HDAC10: variants seen among roughly 807,000 people sequenced by gnomAD.
HDAC10 encodes polyamine deacetylase HDAC10.
HDAC10 carries 90 observed loss-of-function variants against 82.3 expected under a neutral mutation model. The observed-to-expected ratio is 1.09, with a 90% CI of 0.92 to 1.30. The LOEUF is 1.30. Among genes scored for constraint, HDAC10 ranks in the 50% most tolerant of loss-of-function variants. The pLI is 0.00. For synonymous variants in HDAC10, 456 were observed against 391.7 expected, an observed-to-expected ratio of 1.16 and a Z score of -1.94; for missense variants, 934 against 876.3, an observed-to-expected ratio of 1.07 and a Z score of -0.83.
rs1184843780 is a variant in HDAC10, at chr22:50,248,249, G to GC, written c.1056dup (p.His353AlafsTer37). 1.2e-6 allele frequency: 2 copies of GC among 1,612,456 alleles called. No individual in the cohort carries two copies. Among genetic ancestry groups the GC allele is most frequent in the Non-Finnish European group, 8.5e-7 (1 of 1,179,896 alleles). On this transcript the variant is annotated frameshift_variant, in exon 12 of 20. Coordinates refer to ENST00000216271, the MANE Select transcript of HDAC10 (RefSeq NM_032019.6). LOFTEE classifies it high-confidence loss of function. The surrounding 1 kb of genome is among the most constrained non-coding windows in gnomAD (Gnocchi z 5.4). ...CCTTGCTGCTGGAGGCTCTTCCAGTGCGGGGCCTGGGCAGCACGGGCACTC... is the reference window on the plus strand; with the variant it reads ...CCTTGCTGCTGGAGGCTCTTCCAGTGCCGGGGCCTGGGCAGCACGGGCACTC...
At chr22:50,246,849 G>T (rs1298198910) in intron 15 of HDAC10, 26 bp downstream of exon 15, 4 of 1,600,014 alleles carry the variant, frequency 2.5e-6, no homozygotes, top group Non-Finnish European at 2.6e-6. Flanking sequence ...GCCGTCAGAG[G>T]CTCAGGATGG....
At chr22:50,247,501 C>T (rs1329995670) in intron 14 of HDAC10, 191 bp downstream of exon 14, 3 of 500,238 alleles carry the variant, frequency 6.0e-6, no homozygotes, top group Admixed American at 3.7e-5. Flanking sequence ...AAGCTGAGGT[C>T]AGAGGTCAGA....
In HDAC10 at chr22:50,250,492, G is replaced by A; in HGVS notation, c.226C>T (p.Gln76Ter). 3 of 1,612,880 alleles carry A rather than the reference G, an allele frequency of 1.9e-6. No homozygotes were observed. Among genetic ancestry groups the A allele is most frequent in the Non-Finnish European group, 2.5e-6 (3 of 1,179,964 alleles). ...TGCAGCTCCTCCTTGCCTAGGACCT[G>A]GGTCTCCCTGACCAGGGATACATAC... ...PEYVSLVRET[Q>*]VLGKEELQAL... is the part of the protein sequence containing the mutation. The change falls in exon 3 of 20, where the codon CAG (glutamine) becomes TAG (stop). Residue 76 changes from glutamine (Q) to a stop codon, truncating the protein, a stop_gained. Transcript: ENST00000216271. LOFTEE classifies it high-confidence loss of function.
chr22:50,245,252 A>T lies in HDAC10; in HGVS notation c.*255T>A. On this transcript the variant is annotated 3_prime_UTR_variant, in exon 20 of 20. Coordinates refer to ENST00000216271, the MANE Select transcript of HDAC10 (RefSeq NM_032019.6). ...AAGCGCAGCGGGGCGCAGGGGCCGG[A>T]ACGGGACCGAGCGTGGGTTGCATGG... is the stretch of plus-strand genomic sequence containing the variant. The T allele has an allele frequency of 1.7e-6, 1 of 587,296 alleles. No individual in the cohort carries two copies. The highest frequency in any genetic ancestry group is 2.0e-5 in the South Asian group (1 of 50,282). 36.4% of individuals were successfully genotyped at this position (587,296 alleles called of 1,614,324 possible).
chr22:50,245,868 C>T (rs1569132643), intron 18 of HDAC10, 41 bp from the exon 19 acceptor site: 1 of 1,551,808 alleles, frequency 6.4e-7, no homozygotes, highest in Non-Finnish European at 8.7e-7. Flanking sequence ...CTGGTCCTTT[C>T]CCTCGTCCCA....
rs1350489112 is a variant in HDAC10, at chr22:50,246,311, G to A, written c.1637C>T (p.Thr546Met). ...ATGGTCACTCACCACTGGCAGTGGCGTGGAGACATGGAACATGGATAGGGC... is the reference window on the plus strand; with the variant it reads ...ATGGTCACTCACCACTGGCAGTGGCATGGAGACATGGAACATGGATAGGGC... Reference protein sequence around the residue: ...AAALSMFHVSTPLPVMTGGFL... With the variant: ...AAALSMFHVSMPLPVMTGGFL... The change falls in exon 17 of 20, where the codon ACG becomes ATG. Residue 546 changes from threonine to methionine, a missense_variant. By Grantham distance (81) the Thr-to-Met change is moderately conservative. Transcript: ENST00000216271. 16 of 1,612,820 alleles carry A rather than the reference G, an allele frequency of 9.9e-6. No individual in the cohort carries two copies. Among genetic ancestry groups the A allele is most frequent in the East Asian group, 6.7e-5 (3 of 44,886 alleles).
At chr22:50,250,232 G>T (rs997630018) in intron 3 of HDAC10, 72 bp from the exon 4 acceptor site, 1 of 1,436,968 alleles carries the variant, frequency 7.0e-7, no homozygotes, top group Admixed American at 1.8e-5. Context: ...CCACACTTGT[G>T]CCAGGCTGCA....
chr22:50,245,220 G>C lies in HDAC10; in HGVS notation c.*287C>G. 1.8e-6 allele frequency: 1 copy of C among 568,052 alleles called. No homozygotes were observed. The highest frequency in any genetic ancestry group is 3.1e-6 in the Non-Finnish European group (1 of 321,108). The allele number at this position is 568,052 out of a possible 1,614,324, so 35.2% of individuals were successfully genotyped here. A position where few individuals can be genotyped will look rare whatever the true frequency, so the allele number is the denominator to read the frequency against. ...GATGTTTACTAACGGCGCAAGGGCG[G>C]GGAGCGAAGCGCAGCGGGGCGCAGG... On this transcript the variant is annotated 3_prime_UTR_variant, in exon 20 of 20. Coordinates refer to ENST00000216271, the MANE Select transcript of HDAC10 (RefSeq NM_032019.6).
chr22:50,246,624 A>C (rs963383909), intron 16 of HDAC10, 55 bp downstream of exon 16: 1 of 1,528,076 alleles, frequency 6.5e-7, no homozygotes, highest in Non-Finnish European at 9.0e-7. Flanking sequence ...GCACACGTCC[A>C]TCACATGCCC....
intron 4 of HDAC10, 46 bp from the exon 5 acceptor site, chr22:50,250,010 C>A (rs752010955): frequency 3.7e-6 from 6 of 1,608,116 alleles, no homozygotes; most frequent in Non-Finnish European, 5.1e-6. Context: ...GTCGCCCTGG[C>A]CCCTCACAGG....
Position 50,246,029 on chromosome 22 carries a change from G to C in HDAC10, c.1714C>G (p.Pro572Ala). Residue 572 changes from proline (P) to alanine (A), a missense_variant, in exon 18 of 20, where the codon CCT (proline) becomes GCT (alanine). Coordinates refer to ENST00000216271, the MANE Select transcript of HDAC10 (RefSeq NM_032019.6). ...LVLPLAYGFQPDLVLVALGPG... is the reference protein window; with the variant it reads ...LVLPLAYGFQADLVLVALGPG... ...CCCAGCGCCACCAGCACCAGGTCAG[G>C]CTGGAAGCCATAGGCCAGGGGCAGC... 6.2e-7 allele frequency: 1 copy of C among 1,612,766 alleles called. No individual in the cohort carries two copies.
chr22:50,250,682 C>T (rs2065068670), intron 2 of HDAC10, 89 bp downstream of exon 2: 1 of 1,408,056 alleles, frequency 7.1e-7, no homozygotes, highest in Non-Finnish European at 9.6e-7. Flanking sequence ...GTATTCGAGG[C>T]TGGCAGGCTC....
rs1177737723 is a variant in HDAC10, at chr22:50,245,919, G to A, written c.1824C>T (p.Leu608=). The A allele has an allele frequency of 6.3e-7, 1 of 1,578,788 alleles. No individual in the cohort carries two copies. Among genetic ancestry groups the A allele is most frequent in the Middle Eastern group, 1.7e-4 (1 of 5,990 alleles). ...RGLAGGRVLA[L]LEENSTPQLA... ...ACCCTGCCCAGCTTACCTCCTCCAG[G>A]AGGGCCAGGACTCGGCCCCCTGCCA... is the stretch of plus-strand genomic sequence containing the variant. Residue 608 remains leucine (L), a synonymous_variant, in exon 18 of 20, where the codon CTC becomes CTT. Coordinates refer to ENST00000216271, the MANE Select transcript of HDAC10 (RefSeq NM_032019.6).
chr22:50,245,389 G>C lies in HDAC10; in HGVS notation c.*118C>G, dbSNP rs1376390742. 9 of 697,058 alleles carry C rather than the reference G, an allele frequency of 1.3e-5. No individual in the cohort carries two copies. The highest frequency in any genetic ancestry group is 1.2e-4 in the Admixed American group (6 of 49,620). 43.2% of individuals were successfully genotyped at this position (697,058 alleles called of 1,614,324 possible). On this transcript the variant is annotated 3_prime_UTR_variant, in exon 20 of 20. Coordinates refer to ENST00000216271, the MANE Select transcript of HDAC10 (RefSeq NM_032019.6). ...GGGCGGGGCGCGGGGATTGGGAGTG[G>C]GCGGGGTTCCGTGCCCCAGAGTCGA...
At position 50,249,700 on chromosome 22, in the gene HDAC10, G is replaced by C. The variant is rs2065039346; in HGVS notation, c.498C>G (p.Ile166Met). Residue 166 changes from isoleucine to methionine, a missense_variant, in exon 6 of 20, where the codon ATC (isoleucine) becomes ATG (methionine). Physicochemically the swap from Ile to Met is conservative, Grantham distance 10. Transcript: ENST00000216271. The surrounding 1 kb of genome is among the most constrained non-coding windows in gnomAD (Gnocchi z 4.4). ...HAKQKHGLHR[I>M]LVVDWDVHHG... ...GGTGCACATCCCAGTCCACGACGAG[G>C]ATCCTGGGTACAGACAGCGCTGGTG... 2 of 1,612,722 alleles carry C rather than the reference G, an allele frequency of 1.2e-6. No individual in the cohort carries two copies. The highest frequency in any genetic ancestry group is 1.3e-5 in the African/African-American group (1 of 74,908).
In HDAC10 at chr22:50,247,621, C is replaced by T. The variant is rs938490770; in HGVS notation, c.1422+71G>A. On this transcript the variant is annotated intron_variant, in intron 14 of 19. Transcript: ENST00000216271. ...ACCCAGCCCTCCTCTGGACAGGCCA[C>T]ATCTCGTTGGCAGGTCCTGGTCCCT... is the stretch of plus-strand genomic sequence containing the variant. 21 of 1,110,332 alleles carry T rather than the reference C, an allele frequency of 1.9e-5. No individual in the cohort carries two copies. In the African/African-American group the frequency reaches 3.1e-4, roughly 16 times the overall value. 68.8% of individuals were successfully genotyped at this position (1,110,332 alleles called of 1,614,324 possible).
At position 50,248,338 on chromosome 22, in the gene HDAC10, G is replaced by A. The variant is rs114219302; in HGVS notation, c.1013+28C>T. On this transcript the variant is annotated intron_variant, in intron 11 of 19. Coordinates refer to ENST00000216271, the MANE Select transcript of HDAC10 (RefSeq NM_032019.6). The surrounding 1 kb of genome is among the most constrained non-coding windows in gnomAD (Gnocchi z 5.4). Reference sequence around the variant, plus strand: ...TCGTGACACCTGGTCTCACACCCCGGCCCTGCCCGCCCTACCTCCCCTCGC... The same window carrying A: ...TCGTGACACCTGGTCTCACACCCCGACCCTGCCCGCCCTACCTCCCCTCGC... 2.5e-6 allele frequency: 4 copies of A among 1,611,304 alleles called. No individual in the cohort carries two copies. Among genetic ancestry groups the A allele is most frequent in the Non-Finnish European group, 3.4e-6 (4 of 1,179,700 alleles).
intron 16 of HDAC10, 86 bp from the exon 17 acceptor site, chr22:50,246,462 G>A (rs929480964): frequency 2.4e-5 from 29 of 1,221,814 alleles, no homozygotes; most frequent in South Asian, 8.7e-5. Flanking sequence ...GAGCATTCAC[G>A]GGGCCATGGG....
chr22:50,250,607 G>GTC lies in HDAC10; in HGVS notation c.195-85_195-84insGA, dbSNP rs1432110235. Reference sequence around the variant, plus strand: ...AGGCGGGGACCTGGGATTCATGGTGGGAGTGGCCACCCTGTCACTTCCTCA... The same window carrying GTC: ...AGGCGGGGACCTGGGATTCATGGTGGTCGAGTGGCCACCCTGTCACTTCCTCA... On this transcript the variant is annotated intron_variant, in intron 2 of 19. Coordinates refer to ENST00000216271, the MANE Select transcript of HDAC10 (RefSeq NM_032019.6). The GTC allele has an allele frequency of 7.7e-5, 104 of 1,344,730 alleles. 1 individual carries two copies. In the Admixed American group the frequency reaches 1.2e-3, roughly 16 times the overall value. 83.3% of individuals were successfully genotyped at this position (1,344,730 alleles called of 1,614,324 possible). A position where few individuals can be genotyped will look rare whatever the true frequency, so the allele number is the denominator to read the frequency against.
Sources: gnomAD v4.1 joint callset for allele counts on GRCh38, gnomAD v4.1.1 for gene constraint, Gnocchi (gnomAD v3.1) non-coding constraint, MANE v1.5 for transcripts, NCBI Gene and HGNC (gene_info 2026-07-23, HGNC 2026-07-21) for gene names.